The following SMC3 variants were observed in gnomAD, a reference collection of about 807,000 sequenced individuals.
SMC3 encodes the protein structural maintenance of chromosomes 3, also known as structural maintenance of chromosomes protein 3.
SMC3 carries 20 observed loss-of-function variants against 171.8 expected under a neutral mutation model. That is an observed-to-expected ratio of 0.12 (90% CI 0.08 to 0.17). The LOEUF (loss-of-function observed/expected upper bound fraction) is 0.17, where lower values mean the gene tolerates loss of function less well. Among genes scored for constraint, SMC3 ranks in the 10% least tolerant of loss-of-function variants. The probability of loss-of-function intolerance (pLI) is 1.00; values close to 1 mark genes in which losing one functional copy is unlikely to be tolerated. For missense variants in SMC3, 543 were observed against 1,420.4 expected (o/e 0.38, Z 9.93); for synonymous variants, 464 against 451.1 (o/e 1.03, Z -0.36).
chr10:110,581,096 G>C (rs1861022589), intron 8 of SMC3, 75 bp downstream of exon 8: 1 of 816,826 alleles, frequency 1.2e-6, no homozygotes, highest in East Asian at 2.4e-5. Context: ...TCCATGATGG[G>C]AATATAGTAG....
At chr10:110,576,879 T>C (rs1860958489) in intron 4 of SMC3, among the ~76,000 whole-genome samples, 1 of 152,196 alleles carries the variant, frequency 6.6e-6, no homozygotes, top group Non-Finnish European at 1.5e-5. Context: ...TGTGTATATT[T>C]CTATAATAGA....
chr10:110,583,809 T>G, intron 11 of SMC3, 32 bp from the exon 12 acceptor site: 1 of 1,608,950 alleles, frequency 6.2e-7, no homozygotes, highest in South Asian at 1.1e-5. Flanking sequence ...GCAAAAAATT[T>G]AAAGCAGTTT....
Position 110,603,007 on chromosome 10 carries a change from A to T in SMC3, c.3475+5A>T, listed in dbSNP as rs769197568. ...AGCACAGAAAGGCTGTGTCAGGTAC[A>T]GTTTCAGTACAGTTTTGGTTTTGTA... On this transcript the variant is annotated splice_donor_5th_base_variant and intron_variant, in intron 27 of 28. Coordinates refer to ENST00000361804, the MANE Select transcript of SMC3 (RefSeq NM_005445.4). 6.2e-7 allele frequency: 1 copy of T among 1,613,956 alleles called. No individual in the cohort carries two copies. Among genetic ancestry groups the T allele is most frequent in the African/African-American group, 1.3e-5 (1 of 74,936 alleles).
At chr10:110,573,666 G>T in intron 2 of SMC3, 41 bp from the exon 3 acceptor site, 3 of 1,390,546 alleles carry the variant, frequency 2.2e-6, no homozygotes, top group African/African-American at 1.4e-5. Flanking sequence ...AATTTTATTG[G>T]TTTTTATGTA....
intron 17 of SMC3, 95 bp downstream of exon 17, chr10:110,591,227 G>T (rs1026345941): frequency 1.8e-5 from 21 of 1,191,388 alleles, no homozygotes; most frequent in Non-Finnish European, 2.5e-5. Flanking sequence ...CTATACACTG[G>T]GATTCAGTGG....
intron 6 of SMC3, 152 bp downstream of exon 6, chr10:110,578,066 G>A (rs536346475): frequency 7.9e-6 from 5 of 635,034 alleles, no homozygotes; most frequent in East Asian, 5.6e-5. Flanking sequence ...GAGCCACCAC[G>A]CCCAGCCAGC....
At position 110,582,773 on chromosome 10, in the gene SMC3, A is replaced by G. The variant is rs181372001; in HGVS notation, c.804+131A>G. ...AGCCTTGACTTCCTGGGCTCAGGCA[A>G]TCCTCTTGCCGCAGCTTCCTGAATA... On this transcript the variant is annotated intron_variant, in intron 10 of 28. Transcript: ENST00000361804. The G allele has an allele frequency of 6.9e-4, 493 of 713,756 alleles. 2 individuals are homozygous for G. Among genetic ancestry groups the G allele is most frequent in the Middle Eastern group, 1.9e-3 (5 of 2,672 alleles). 44.2% of individuals were successfully genotyped at this position (713,756 alleles called of 1,614,324 possible). A position where few individuals can be genotyped will look rare whatever the true frequency, so the allele number is the denominator to read the frequency against.
In SMC3 at chr10:110,589,895, C is replaced by T. The variant is rs1222239899; in HGVS notation, c.1413C>T (p.Tyr471=). Reference sequence around the variant, plus strand: ...CAGTCTACTTTTTATTTATTAGCTACTTGTGGAGAGAAGAGAATGCAGAAC... The same window carrying T: ...CAGTCTACTTTTTATTTATTAGCTATTTGTGGAGAGAAGAGAATGCAGAAC... The part of the protein sequence containing the change: ...KKDELQSERN[Y]LWREENAEQQ... The change falls in exon 15 of 29, where the codon TAC becomes TAT. Residue 471 remains tyrosine (Y), a synonymous_variant. Transcript: ENST00000361804. 1 of 1,613,556 alleles carries T rather than the reference C, an allele frequency of 6.2e-7. No individual in the cohort carries two copies. Among genetic ancestry groups the T allele is most frequent in the Admixed American group, 1.7e-5 (1 of 60,024 alleles).
intron 21 of SMC3, 48 bp from the exon 22 acceptor site, chr10:110,600,391 G>A (rs1020136511): frequency 1.1e-6 from 1 of 894,196 alleles, no homozygotes; most frequent in Non-Finnish European, 1.9e-6. Flanking sequence ...CACCATTCCT[G>A]TGTGTGAAAT....
chr10:110,569,818 A>G (rs1000963430), intron 2 of SMC3, among the ~76,000 whole-genome samples: 1 of 152,344 alleles, frequency 6.6e-6, no homozygotes, highest in East Asian at 1.9e-4. Context: ...GTCATTATAG[A>G]TTGCTCAGAT....
Position 110,604,530 on chromosome 10 carries a change from C to T in SMC3, c.*228C>T, listed in dbSNP as rs1486030712. 4 of 471,812 alleles carry T rather than the reference C, an allele frequency of 8.5e-6. No homozygotes were observed. The highest frequency in any genetic ancestry group is 3.6e-5 in the Admixed American group (1 of 27,462). The allele number at this position is 471,812 out of a possible 1,614,324, so 29.2% of individuals were successfully genotyped here. A position where few individuals can be genotyped will look rare whatever the true frequency, so the allele number is the denominator to read the frequency against. ...ACAACTTTTTGTAAAATGTTCTGCTCCTATTTTAAATGTTTTGAAACATGC... is the reference window on the plus strand; with the variant it reads ...ACAACTTTTTGTAAAATGTTCTGCTTCTATTTTAAATGTTTTGAAACATGC... On this transcript the variant is annotated 3_prime_UTR_variant, in exon 29 of 29. Coordinates refer to ENST00000361804, the MANE Select transcript of SMC3 (RefSeq NM_005445.4).
rs1422852620 is a variant in SMC3 at position 110,591,139 on chromosome 10, C to G, written c.1812+7C>G. Reference sequence around the variant, plus strand: ...AGCCTATCCTGAAACCAATGTGAGTCATTGTGTGATAAGGTGTATTTCTCT... The same window carrying G: ...AGCCTATCCTGAAACCAATGTGAGTGATTGTGTGATAAGGTGTATTTCTCT... On this transcript the variant is annotated splice_region_variant and intron_variant, in intron 17 of 28. Coordinates refer to ENST00000361804, the MANE Select transcript of SMC3 (RefSeq NM_005445.4). The G allele has an allele frequency of 6.2e-7, 1 of 1,612,744 alleles. No individual in the cohort carries two copies. The highest frequency in any genetic ancestry group is 8.5e-7 in the Non-Finnish European group (1 of 1,179,128).
In SMC3 at chr10:110,568,801, T is replaced by C; in HGVS notation, c.16-137T>C. On this transcript the variant is annotated intron_variant, in intron 1 of 28. Coordinates refer to ENST00000361804, the MANE Select transcript of SMC3 (RefSeq NM_005445.4). ...TTTTTAGCAGATTTTTAATCACCACTTTCCAAAATGAATTTTTCTTATATG... is the reference window on the plus strand; with the variant it reads ...TTTTTAGCAGATTTTTAATCACCACCTTCCAAAATGAATTTTTCTTATATG... 3 of 644,328 alleles carry C rather than the reference T, an allele frequency of 4.7e-6. No homozygotes were observed. The South Asian group carries it at 5.4e-5, about 12-fold the overall frequency. The allele number at this position is 644,328 out of a possible 1,614,324, so 39.9% of individuals were successfully genotyped here.
chr10:110,597,647 G>T (rs1431359763), intron 19 of SMC3, among the ~76,000 whole-genome samples: 2 of 152,192 alleles, frequency 1.3e-5, no homozygotes, highest in Admixed American at 6.5e-5. Flanking sequence ...CACAAAGAGC[G>T]TATGGGGAAA....
At position 110,599,829 on chromosome 10, in the gene SMC3, C is replaced by T. The variant is rs180755578; in HGVS notation, c.2427+17C>T. ...CTTCAGCAGGTAAGTAGACAGCTGACTGGAAAAAGAATTCGTTAGTAATTG... is the reference window on the plus strand; with the variant it reads ...CTTCAGCAGGTAAGTAGACAGCTGATTGGAAAAAGAATTCGTTAGTAATTG... On this transcript the variant is annotated intron_variant, in intron 21 of 28. Transcript: ENST00000361804. 6.2e-7 allele frequency: 1 copy of T among 1,612,492 alleles called. No individual in the cohort carries two copies. Among genetic ancestry groups the T allele is most frequent in the Admixed American group, 1.7e-5 (1 of 60,020 alleles).
At chr10:110,570,197 T>C (rs1365673601) in intron 2 of SMC3, among the ~76,000 whole-genome samples, 1 of 152,170 alleles carries the variant, frequency 6.6e-6, no homozygotes, top group Non-Finnish European at 1.5e-5. Context: ...ATAATCATCT[T>C]CCAGGGGTCC....
chr10:110,577,430 G>T lies in SMC3; in HGVS notation c.208G>T (p.Gly70Cys). 1 of 1,611,672 alleles carries T rather than the reference G, an allele frequency of 6.2e-7. No homozygotes were observed. The highest frequency in any genetic ancestry group is 8.5e-7 in the Non-Finnish European group (1 of 1,178,064). The change falls in exon 5 of 29, where the codon GGT becomes TGT. Residue 70 changes from glycine to cysteine, a missense_variant. Gly to Cys is a radical substitution (Grantham distance 159, BLOSUM62 -3). This residue lies in a region of SMC3 where 146 missense variants were observed against 437.9 expected (regional missense o/e 0.33). Transcript: ENST00000361804. ...QRLALLHEGTGPRVISAFVEI... is the reference protein window; with the variant it reads ...QRLALLHEGTCPRVISAFVEI... The stretch of plus-strand genomic sequence containing the variant: ...CTTCTTTCATTTTTAGGAAGGTACT[G>T]GTCCTCGTGTTATTTCTGCTTTTGT...
At chr10:110,580,655 C>T (rs1282403194) in intron 7 of SMC3, among the ~76,000 whole-genome samples, 4 of 152,174 alleles carry the variant, frequency 2.6e-5, no homozygotes, top group Non-Finnish European at 5.9e-5. Context: ...GTGGACATGA[C>T]ATTCAAAGGA....
rs142116493 is a variant in SMC3 at position 110,605,579 on chromosome 10, G to T, written c.*1277G>T. On this transcript the variant is annotated 3_prime_UTR_variant, in exon 29 of 29. Coordinates refer to ENST00000361804, the MANE Select transcript of SMC3 (RefSeq NM_005445.4). ...GGGACTTTAAATTGAATTTAAAAAT[G>T]TGAGTTTACTTTGGGTTTTCATTTT... Among the ~76,000 whole-genome samples the T allele has an allele frequency of 3.7e-3, 563 of 152,282 alleles. 2 individuals carry two copies. Among genetic ancestry groups the T allele is most frequent in the African/African-American group, 0.013 (529 of 41,564 alleles).
Sources: gnomAD v4.1 joint callset for allele counts (sites outside exome capture counted in the v4.1 genomes callset) on GRCh38, gnomAD v4.1.1 for gene constraint, gnomAD v4.1.1 regional missense constraint, MANE v1.5 for transcripts, NCBI Gene and HGNC (gene_info 2026-07-23, HGNC 2026-07-21) for gene names.